Variants in PPM1A observed in about 807,000 individuals in gnomAD.
The protein encoded by PPM1A is protein phosphatase 1A.
In PPM1A, 7 loss-of-function variants were observed where a neutral mutation model predicts 35.0. The ratio of observed to expected loss-of-function variants is 0.20; its 90% CI spans 0.11 to 0.38. The LOEUF (loss-of-function observed/expected upper bound fraction) is 0.38. Among genes scored for constraint, PPM1A ranks in the 10% least tolerant of loss-of-function variants. PPM1A has a pLI of 1.00. For synonymous variants in PPM1A, 153 were observed against 167.3 expected, an observed-to-expected ratio of 0.91 and a Z score of 0.66; for missense variants, 239 against 467.8, an observed-to-expected ratio of 0.51 and a Z score of 4.51.
chr14:60,255,157 A>ATT, intron 1 of PPM1A, among the ~76,000 whole-genome samples: 6 of 112,542 alleles, frequency 5.3e-5, no homozygotes, highest in African/African-American at 3.5e-4. Context: ...TTTCTATCAT[A>ATT]TGTTTTTTTT....
At chr14:60,258,988 G>A (rs1883446965) in intron 1 of PPM1A, among the ~76,000 whole-genome samples, 1 of 152,132 alleles carries the variant, frequency 6.6e-6, no homozygotes, top group African/African-American at 2.4e-5. Flanking sequence ...AGTGGCAGTA[G>A]TTGAGAAGTT....
At chr14:60,262,654 A>G (rs1009317461) in intron 1 of PPM1A, among the ~76,000 whole-genome samples, 4 of 152,208 alleles carry the variant, frequency 2.6e-5, no homozygotes, top group Non-Finnish European at 5.9e-5. Context: ...CCATTGCACT[A>G]TAGCCTGGGT....
At chr14:60,267,432 A>G (rs1024112879) in intron 1 of PPM1A, 10 of 152,262 alleles carry the variant, frequency 6.6e-5, no homozygotes, top group African/African-American at 1.9e-4. Flanking sequence ...ACGTTCCTAA[A>G]ATGATCCCTA....
rs1888214138 is a variant in PPM1A at position 60,298,331 on chromosome 14, GTTCAA to G, written c.*5854_*5858del. On this transcript the variant is annotated 3_prime_UTR_variant, in exon 6 of 6. Transcript: ENST00000395076. ...TTTCTAGTATTAGGATTCATTAAATGTTCAATTCATTTCATATTCTAAGGAATTAG... is the reference window on the plus strand; with the variant it reads ...TTTCTAGTATTAGGATTCATTAAATGTTCATTTCATATTCTAAGGAATTAG... 6.6e-6 allele frequency: 1 copy of G among 151,664 alleles called. No homozygotes were observed. The highest frequency in any genetic ancestry group is 6.6e-5 in the Admixed American group (1 of 15,202). The allele number at this position is 151,664 out of a possible 1,614,324, so 9.4% of individuals were successfully genotyped here. A position where few individuals can be genotyped will look rare whatever the true frequency, so the allele number is the denominator to read the frequency against.
chr14:60,246,592 TACA>T (rs1271761679), upstream of PPM1A, among the ~76,000 whole-genome samples: 1 of 152,222 alleles, frequency 6.6e-6, no homozygotes, highest in Non-Finnish European at 1.5e-5. Context: ...GGCAAAGTCT[TACA>T]GTTCAGAAGA....
intron 1 of PPM1A, among the ~76,000 whole-genome samples, chr14:60,266,448 A>G (rs1387979080): frequency 1.3e-5 from 2 of 152,162 alleles, no homozygotes; most frequent in Non-Finnish European, 2.9e-5. Context: ...CTACCATAAG[A>G]TTACAGAAAT....
At chr14:60,285,992 T>C in intron 3 of PPM1A, 1 of 1,123,070 alleles carries the variant, frequency 8.9e-7, no homozygotes. Context: ...TTTAAAAGGC[T>C]AAAATGTTTG....
At chr14:60,246,849 C>T (rs764227848), upstream of PPM1A, among the ~76,000 whole-genome samples, 1 of 152,142 alleles carries the variant, frequency 6.6e-6, no homozygotes, top group Non-Finnish European at 1.5e-5. Context: ...CTGTACAATG[C>T]GTAGACTCCT....
intron 1 of PPM1A, chr14:60,250,539 A>C (rs1412360718): frequency 1.5e-5 from 9 of 615,936 alleles, no homozygotes; most frequent in South Asian, 1.4e-4. Context: ...GTCATGCTTC[A>C]GTTGTCCAAG....
At position 60,282,775 on chromosome 14, in the gene PPM1A, T is replaced by C. The variant is rs1886558004; in HGVS notation, c.72T>C (p.Tyr24=). 4 of 1,614,194 alleles carry C rather than the reference T, an allele frequency of 2.5e-6. No individual in the cohort carries two copies. Among genetic ancestry groups the C allele is most frequent in the East Asian group, 2.2e-5 (1 of 44,888 alleles). ...NAQGQGNGLR[Y]GLSSMQGWRV... ...AGGGGCAGGGTAATGGGTTGCGATA[T>C]GGGCTAAGCAGCATGCAAGGCTGGC... The change falls in exon 2 of 6, where the codon TAT becomes TAC. Residue 24 remains tyrosine, a synonymous_variant. Transcript: ENST00000395076. The surrounding 1 kb of genome is among the most constrained non-coding windows in gnomAD (Gnocchi z 5.1).
At chr14:60,263,306 T>G (rs1883985623) in intron 1 of PPM1A, among the ~76,000 whole-genome samples, 1 of 152,220 alleles carries the variant, frequency 6.6e-6, no homozygotes, top group Non-Finnish European at 1.5e-5. Context: ...TATGTTACTG[T>G]TGATGGAGAA....
chr14:60,277,173 A>T (rs938955456), intron 1 of PPM1A: 33 of 344,030 alleles, frequency 9.6e-5, no homozygotes, highest in Non-Finnish European at 1.3e-4. Context: ...CTATTTATGG[A>T]TATACGCCAA....
In PPM1A at chr14:60,282,754, G is replaced by A. The variant is rs773265207; in HGVS notation, c.51G>A (p.Gly17=). 2 of 1,614,252 alleles carry A rather than the reference G, an allele frequency of 1.2e-6. No individual in the cohort carries two copies. The highest frequency in any genetic ancestry group is 2.2e-5 in the East Asian group (1 of 44,890). ...KPKMEKHNAQ[G]QGNGLRYGLS... is the part of the protein sequence containing the mutation. Reference sequence around the variant, plus strand: ...AGATGGAAAAGCATAATGCCCAGGGGCAGGGTAATGGGTTGCGATATGGGC... The same window carrying A: ...AGATGGAAAAGCATAATGCCCAGGGACAGGGTAATGGGTTGCGATATGGGC... Residue 17 remains glycine (G), a synonymous_variant, in exon 2 of 6, where the codon GGG becomes GGA. Transcript: ENST00000395076. This position sits in a 1 kb window ranked among gnomAD's most constrained non-coding sequence, Gnocchi z 5.1.
upstream of PPM1A, among the ~76,000 whole-genome samples, chr14:60,248,384 T>G (rs910075013): frequency 1.3e-5 from 2 of 152,200 alleles, no homozygotes; most frequent in Admixed American, 6.5e-5. Context: ...ATCTAACATG[T>G]GCAAATAAAT....
intron 1 of PPM1A, among the ~76,000 whole-genome samples, chr14:60,260,417 TA>T (rs1360444464): frequency 6.6e-6 from 1 of 152,142 alleles, no homozygotes; most frequent in African/African-American, 2.4e-5. Flanking sequence ...AAATTTACTA[TA>T]GCATGAGTAT....
At chr14:60,291,072 C>T (rs1187147527) in intron 4 of PPM1A, among the ~76,000 whole-genome samples, 1 of 152,084 alleles carries the variant, frequency 6.6e-6, no homozygotes, top group Non-Finnish European at 1.5e-5. Context: ...TTAAGAATGG[C>T]ATTGCCATTG....
chr14:60,255,788 C>T (rs981872994), intron 1 of PPM1A, among the ~76,000 whole-genome samples: 6 of 152,142 alleles, frequency 3.9e-5, no homozygotes, highest in Admixed American at 3.9e-4. Context: ...TGGCAGTGTT[C>T]TTATATTGAT....
chr14:60,250,670 G>T (rs1002048237), intron 1 of PPM1A, among the ~76,000 whole-genome samples: 8 of 152,210 alleles, frequency 5.3e-5, no homozygotes, highest in Admixed American at 3.3e-4. Flanking sequence ...TTTTCTCAAA[G>T]GAAATGATTT....
In PPM1A at chr14:60,260,366, CAGCTGAGAAATTTTCAGGTA is replaced by C. The variant is rs1318863504; in HGVS notation, c.-21+10691_-21+10710del. ...TAAGGCTATAAGTTGAAATATTTGT[CAGCTGAGAAATTTTCAGGTA>C]ACTTTTTTAACCTTTGAAAAAAATT... On this transcript the variant is annotated intron_variant, in intron 1 of 5. Coordinates refer to ENST00000395076, the MANE Select transcript of PPM1A (RefSeq NM_021003.5). Among the ~76,000 whole-genome samples, 3 of 151,984 alleles carry C rather than the reference CAGCTGAGAAATTTTCAGGTA, an allele frequency of 2.0e-5. No homozygotes were observed. In the East Asian group the frequency reaches 5.8e-4, roughly 29 times the overall value.
Sources: allele counts gnomAD v4.1 joint callset (sites outside exome capture counted in the v4.1 genomes callset), GRCh38; gene constraint gnomAD v4.1.1; non-coding constraint Gnocchi (gnomAD v3.1); transcripts MANE v1.5; gene names NCBI Gene and HGNC (gene_info 2026-07-23, HGNC 2026-07-21).